HELZ: variants seen among roughly 807,000 people sequenced by gnomAD.
HELZ encodes the protein ATP-dependent RNA helicase with zinc finger domain.
In HELZ, 23 loss-of-function variants were observed where a neutral mutation model predicts 218.2. That is an observed-to-expected ratio of 0.11 (90% CI 0.08 to 0.15). The LOEUF (loss-of-function observed/expected upper bound fraction) is 0.15, where lower values mean the gene tolerates loss of function less well. HELZ is among the 10% of genes least tolerant of loss of function. HELZ has a pLI of 1.00. For synonymous variants in HELZ, 814 were observed against 829.4 expected, an observed-to-expected ratio of 0.98 and a Z score of 0.32; for missense variants, 1,813 against 2,353.7, an observed-to-expected ratio of 0.77 and a Z score of 4.75.
At chr17:67,129,253 A>C (rs1039698652) in intron 23 of HELZ, among the ~76,000 whole-genome samples, 2 of 152,090 alleles carry the variant, frequency 1.3e-5, no homozygotes, top group South Asian at 4.1e-4. Flanking sequence ...TATATATACT[A>C]TGTATATAAA....
At chr17:67,146,738 A>C (rs1209538502) in intron 20 of HELZ, among the ~76,000 whole-genome samples, 1 of 152,254 alleles carries the variant, frequency 6.6e-6, no homozygotes, top group Non-Finnish European at 1.5e-5. Context: ...TGAGAGATAC[A>C]ATTATATCTA....
At chr17:67,109,750 TTCCCA>T (rs1362010331) in intron 28 of HELZ, 64 bp from the exon 29 acceptor site, 7 of 1,221,554 alleles carry the variant, frequency 5.7e-6, no homozygotes, top group Non-Finnish European at 8.2e-6. Context: ...TCTCCACCTT[TTCCCA>T]ACCCTAACAC....
chr17:67,118,455 T>TA (rs2037493822), intron 27 of HELZ, among the ~76,000 whole-genome samples: 1 of 151,692 alleles, frequency 6.6e-6, no homozygotes, highest in Non-Finnish European at 1.5e-5. Flanking sequence ...GTTAGATATA[T>TA]TTTTTTTAAG....
intron 32 of HELZ, among the ~76,000 whole-genome samples, chr17:67,080,867 A>G (rs1188462954): frequency 5.3e-5 from 8 of 152,126 alleles, no homozygotes; most frequent in Admixed American, 4.6e-4. Flanking sequence ...GGCACAGGAG[A>G]GACTAGTAAC....
chr17:67,105,728 TGTAAA>T (rs767312100), intron 31 of HELZ, among the ~76,000 whole-genome samples: 1 of 152,238 alleles, frequency 6.6e-6, no homozygotes, highest in East Asian at 1.9e-4. Flanking sequence ...GCCAAATTTT[TGTAAA>T]GTATGGTTCC....
At chr17:67,118,351 C>G (rs569710827) in intron 27 of HELZ, among the ~76,000 whole-genome samples, 1 of 152,212 alleles carries the variant, frequency 6.6e-6, no homozygotes, top group East Asian at 1.9e-4. Context: ...CTTACCCTTA[C>G]ACTATATATA....
intron 28 of HELZ, among the ~76,000 whole-genome samples, chr17:67,114,080 A>C (rs1236570697): frequency 6.6e-6 from 1 of 152,240 alleles, no homozygotes; most frequent in African/African-American, 2.4e-5. Context: ...TTATCATAGA[A>C]AATCTCTAAA....
At chr17:67,135,109 T>C (rs886959928) in intron 23 of HELZ, among the ~76,000 whole-genome samples, 2 of 152,152 alleles carry the variant, frequency 1.3e-5, no homozygotes, top group East Asian at 1.9e-4. Flanking sequence ...TTTTGGTGTG[T>C]AGGTTGATAT....
intron 4 of HELZ, among the ~76,000 whole-genome samples, chr17:67,217,038 C>A (rs1050251795): frequency 2.0e-5 from 3 of 152,164 alleles, no homozygotes; most frequent in Non-Finnish European, 2.9e-5. Context: ...TATAGCACTT[C>A]TATCCCACAG....
At chr17:67,122,721 A>C (rs2037652775) in intron 26 of HELZ, among the ~76,000 whole-genome samples, 2 of 152,284 alleles carry the variant, frequency 1.3e-5, no homozygotes, top group East Asian at 3.9e-4. Context: ...AAAAAAAACA[A>C]AACAAAATAG....
At chr17:67,150,086 G>A (rs768639155) in intron 18 of HELZ, 101 bp from the exon 19 acceptor site, 4 of 605,956 alleles carry the variant, frequency 6.6e-6, no homozygotes, top group South Asian at 4.4e-5. Context: ...AGTTTAGTTT[G>A]CTAATCTAAG....
chr17:67,114,219 A>C (rs2037364008), intron 28 of HELZ, 105 bp downstream of exon 28: 2 of 746,700 alleles, frequency 2.7e-6, no homozygotes, highest in South Asian at 3.2e-5. Flanking sequence ...AATAAACATA[A>C]AGGATAAGTG....
rs1331166076 is a variant in HELZ, at chr17:67,109,682, T to A, written c.3923A>T (p.Asp1308Val). 6.3e-7 allele frequency: 1 copy of A among 1,599,822 alleles called. No homozygotes were observed. The highest frequency in any genetic ancestry group is 1.7e-5 in the Admixed American group (1 of 57,558). The part of the protein sequence containing the change: ...EKKPTEPKQV[D>V]LESNPQNRSP... ...TCTGTTCTGTGGATTTGATTCCAAA[T>A]CAACCTAGAAAAAAAGAAGAAGCCT... The change falls in exon 29 of 33, where the codon GAT becomes GTT. Residue 1308 changes from aspartate (D) to valine (V), a missense_variant. By Grantham distance (152) the Asp-to-Val change is radical (BLOSUM62 -3). This residue lies in a region of HELZ where 938 missense variants were observed against 1,027.5 expected (regional missense o/e 0.91). Coordinates refer to ENST00000358691, the MANE Select transcript of HELZ (RefSeq NM_014877.4).
chr17:67,108,541 A>G lies in HELZ; in HGVS notation c.4675T>C (p.Trp1559Arg). The change falls in exon 30 of 33, where the codon TGG (tryptophan) becomes CGG (arginine). Residue 1559 changes from tryptophan to arginine, a missense_variant. Transcript: ENST00000358691. This position sits in a 1 kb window ranked among gnomAD's most constrained non-coding sequence, Gnocchi z 4.1. The part of the protein sequence containing the change: ...GLHQPPVRAD[W>R]KLTSSAEDEV... ...TCTTCGGCACTGCTGGTGAGCTTCC[A>G]GTCTGCCCTCACTGGCGGCTGATGT... The G allele has an allele frequency of 6.2e-7, 1 of 1,614,142 alleles. No homozygotes were observed. The highest frequency in any genetic ancestry group is 8.5e-7 in the Non-Finnish European group (1 of 1,180,010).
chr17:67,084,556 G>A (rs955910934), intron 32 of HELZ, among the ~76,000 whole-genome samples: 1 of 151,944 alleles, frequency 6.6e-6, no homozygotes, highest in African/African-American at 2.4e-5. Context: ...CCAGCTACGC[G>A]GGAGGCTGAG....
rs73343163 is a variant in HELZ, at chr17:67,170,142, G to A, written c.1431-2346C>T. 5.9e-3 allele frequency among the ~76,000 whole-genome samples: 895 copies of A among 152,218 alleles called. 8 individuals carry two copies. The highest frequency in any genetic ancestry group is 0.021 in the African/African-American group (856 of 41,528). ...AAAGTCTTATATAGCTTTCCCAGAC[G>A]AGAGCTGCATAATGCTGACCCTTCA... On this transcript the variant is annotated intron_variant, in intron 13 of 32. Coordinates refer to ENST00000358691, the MANE Select transcript of HELZ (RefSeq NM_014877.4).
chr17:67,083,602 T>C (rs538478071), intron 32 of HELZ, among the ~76,000 whole-genome samples: 1 of 152,342 alleles, frequency 6.6e-6, no homozygotes, highest in Non-Finnish European at 1.5e-5. Flanking sequence ...CACTCCAGTC[T>C]GGGTGTCAAG....
At position 67,228,660 on chromosome 17, in the gene HELZ, CA is replaced by C. The variant is rs202058543; in HGVS notation, c.-18-9839del. Among the ~76,000 whole-genome samples, 890 of 117,952 alleles carry C rather than the reference CA, an allele frequency of 7.5e-3. 21 individuals are homozygous for C. In the East Asian group the frequency reaches 0.09, roughly 12 times the overall value. The allele number at this position is 117,952 out of a possible 152,430, so 77.4% of individuals were successfully genotyped here. On this transcript the variant is annotated intron_variant, in intron 3 of 32. Transcript: ENST00000358691. ...CAGGATGACAGAGGAGACTTTGTCTCAAAAAAAAAAAAAATTTATTGTGACG... is the reference window on the plus strand; with the variant it reads ...CAGGATGACAGAGGAGACTTTGTCTCAAAAAAAAAAAAATTTATTGTGACG...
Position 67,199,938 on chromosome 17 carries a change from G to C in HELZ, c.429+1191C>G, listed in dbSNP as rs189314445. ...TCAGTCCTTGGCCACCAAATCCAGTGATTTTTCCAGCAGAAGAGTTCATTC... is the reference window on the plus strand; with the variant it reads ...TCAGTCCTTGGCCACCAAATCCAGTCATTTTTCCAGCAGAAGAGTTCATTC... On this transcript the variant is annotated intron_variant, in intron 7 of 32. Coordinates refer to ENST00000358691, the MANE Select transcript of HELZ (RefSeq NM_014877.4). Among the ~76,000 whole-genome samples, 128 of 152,208 alleles carry C rather than the reference G, an allele frequency of 8.4e-4. 1 individual carries two copies. Among genetic ancestry groups the C allele is most frequent in the Non-Finnish European group, 1.5e-3 (105 of 67,990 alleles).
Sources: allele counts gnomAD v4.1 joint callset (sites outside exome capture counted in the v4.1 genomes callset), GRCh38; gene constraint gnomAD v4.1.1; regional missense constraint gnomAD v4.1.1; non-coding constraint Gnocchi (gnomAD v3.1); transcripts MANE v1.5; gene names NCBI Gene and HGNC (gene_info 2026-07-23, HGNC 2026-07-21).